FBXO28: variants seen among roughly 807,000 people sequenced by gnomAD.
FBXO28 encodes F-box protein 28.
FBXO28 carries 8 observed loss-of-function variants against 38.1 expected under a neutral mutation model. That is an observed-to-expected ratio of 0.21 (90% CI 0.12 to 0.38). The LOEUF is 0.38. FBXO28 is among the 10% of genes least tolerant of loss of function. The pLI, the probability that FBXO28 is intolerant of heterozygous loss-of-function variation, is 1.00. For missense variants in FBXO28, 345 were observed against 460.6 expected (o/e 0.75, Z 2.30); for synonymous variants, 168 against 173.8 (o/e 0.97, Z 0.26).
chr1:224,144,831 AT>A (rs1657459492), intron 3 of FBXO28, among the ~76,000 whole-genome samples: 1 of 152,048 alleles, frequency 6.6e-6, no homozygotes, highest in African/African-American at 2.4e-5. Context: ...GCTCCTTAAA[AT>A]TTTTGCTTTA....
At position 224,158,106 on chromosome 1, in the gene FBXO28, A is replaced by G; in HGVS notation, c.*360A>G. On this transcript the variant is annotated 3_prime_UTR_variant, in exon 5 of 5. Transcript: ENST00000366862. Reference sequence around the variant, plus strand: ...CTTGACAGACTAGAAGTTAAGTTTAATACAGAAAATGTCCTGTTCACTTGA... The same window carrying G: ...CTTGACAGACTAGAAGTTAAGTTTAGTACAGAAAATGTCCTGTTCACTTGA... 1 of 1,003,616 alleles carries G rather than the reference A, an allele frequency of 1.0e-6. No homozygotes were observed. Among genetic ancestry groups the G allele is most frequent in the Non-Finnish European group, 1.2e-6 (1 of 842,454 alleles). The allele number at this position is 1,003,616 out of a possible 1,614,324, so 62.2% of individuals were successfully genotyped here. A position where few individuals can be genotyped will look rare whatever the true frequency, so the allele number is the denominator to read the frequency against.
At chr1:224,123,090 G>T (rs201155564) in intron 1 of FBXO28, among the ~76,000 whole-genome samples, 1 of 147,034 alleles carries the variant, frequency 6.8e-6, no homozygotes, top group African/African-American at 2.5e-5. Context: ...TAAAAAAAAA[G>T]GATAGGTTCT....
At position 224,160,221 on chromosome 1, in the gene FBXO28, G is replaced by A. The variant is rs1431324895; in HGVS notation, c.*2475G>A. 1 of 152,170 alleles carries A rather than the reference G, an allele frequency of 6.6e-6. No individual in the cohort carries two copies. Among genetic ancestry groups the A allele is most frequent in the Admixed American group, 6.5e-5 (1 of 15,268 alleles). 9.4% of individuals were successfully genotyped at this position (152,170 alleles called of 1,614,324 possible). ...AACAAACCGCAGATTATTATGATCA[G>A]CTAGAACTGACATATGTTACAAGAA... On this transcript the variant is annotated 3_prime_UTR_variant, in exon 5 of 5. Coordinates refer to ENST00000366862, the MANE Select transcript of FBXO28 (RefSeq NM_015176.4).
chr1:224,115,643 A>G (rs1425381134), intron 1 of FBXO28, among the ~76,000 whole-genome samples: 3 of 152,208 alleles, frequency 2.0e-5, no homozygotes, highest in African/African-American at 7.2e-5. Context: ...ATATTTCACA[A>G]TTGATTGCCT....
At position 224,139,921 on chromosome 1, in the gene FBXO28, C is replaced by T. The variant is rs180733332; in HGVS notation, c.516+5709C>T. Among the ~76,000 whole-genome samples, 18 of 151,916 alleles carry T rather than the reference C, an allele frequency of 1.2e-4. No homozygotes were observed. The East Asian group carries it at 1.4e-3, about 11-fold the overall frequency. Reference sequence around the variant, plus strand: ...AACCTGGGCTGCAAAGTAAGACCCCCGTCTCTAAAAAAAAAATTAATTAGC... The same window carrying T: ...AACCTGGGCTGCAAAGTAAGACCCCTGTCTCTAAAAAAAAAATTAATTAGC... On this transcript the variant is annotated intron_variant, in intron 3 of 4. Coordinates refer to ENST00000366862, the MANE Select transcript of FBXO28 (RefSeq NM_015176.4).
intron 2 of FBXO28, among the ~76,000 whole-genome samples, chr1:224,131,944 A>G (rs922828708): frequency 6.6e-6 from 1 of 152,168 alleles, no homozygotes. Context: ...ACTCAACAAT[A>G]AAACCTATTT....
At chr1:224,136,101 G>GTTTTTTTTTT (rs397982996) in intron 3 of FBXO28, among the ~76,000 whole-genome samples, 951 of 75,118 alleles carry the variant, frequency 0.013, 205 homozygotes, top group African/African-American at 0.028. Context: ...GTTGACTTCA[G>GTTTTTTTTTT]TTTTTTTTTT....
At chr1:224,117,903 G>T (rs1257792360) in intron 1 of FBXO28, among the ~76,000 whole-genome samples, 2 of 152,084 alleles carry the variant, frequency 1.3e-5, no homozygotes, top group African/African-American at 4.8e-5. Context: ...CAGCTACTTG[G>T]GAGGCTGAGG....
At chr1:224,147,492 G>A (rs60877434) in intron 3 of FBXO28, among the ~76,000 whole-genome samples, 6,090 of 151,658 alleles carry the variant, frequency 0.04, 371 homozygotes, top group African/African-American at 0.13. Flanking sequence ...TTTTAAAATA[G>A]TACAATGTAA....
chr1:224,139,508 C>T (rs1050005832), intron 3 of FBXO28, among the ~76,000 whole-genome samples: 3 of 151,848 alleles, frequency 2.0e-5, no homozygotes, highest in East Asian at 3.9e-4. Context: ...CTTTGGGAGG[C>T]CAAGGCGGGC....
In FBXO28 at chr1:224,157,661, A is replaced by G. The variant is rs758652737; in HGVS notation, c.1022A>G (p.Asn341Ser). Residue 341 changes from asparagine to serine, a missense_variant, in exon 5 of 5, where the codon AAT becomes AGT. This residue lies in a region of FBXO28 where 151 missense variants were observed against 188.3 expected (regional missense o/e 0.80). Coordinates refer to ENST00000366862, the MANE Select transcript of FBXO28 (RefSeq NM_015176.4). ...AVGNSSGSGQNEESPRKRKKA... is the reference protein window; with the variant it reads ...AVGNSSGSGQSEESPRKRKKA... Reference sequence around the variant, plus strand: ...GGAAATTCCTCAGGGTCCGGGCAGAATGAGGAGTCTCCTCGGAAACGAAAA... The same window carrying G: ...GGAAATTCCTCAGGGTCCGGGCAGAGTGAGGAGTCTCCTCGGAAACGAAAA... 1.2e-6 allele frequency: 2 copies of G among 1,614,260 alleles called. 1 individual carries two copies. Among genetic ancestry groups the G allele is most frequent in the South Asian group, 2.2e-5 (2 of 91,090 alleles).
In FBXO28 at chr1:224,139,735, G is replaced by A. The variant is rs762289116; in HGVS notation, c.516+5523G>A. ...CAGCCTGGTGACAGAGTGAGACTTC[G>A]TCTGAAATAAATACATACATGCATG... On this transcript the variant is annotated intron_variant, in intron 3 of 4. Transcript: ENST00000366862. 1.8e-4 allele frequency among the ~76,000 whole-genome samples: 25 copies of A among 138,472 alleles called. No homozygotes were observed. The South Asian group carries it at 2.0e-3, about 11-fold the overall frequency. 90.8% of individuals were successfully genotyped at this position (138,472 alleles called of 152,430 possible). A position where few individuals can be genotyped will look rare whatever the true frequency, so the allele number is the denominator to read the frequency against.
intron 3 of FBXO28, among the ~76,000 whole-genome samples, chr1:224,148,330 C>T (rs1299246850): frequency 6.6e-6 from 1 of 152,128 alleles, no homozygotes; most frequent in Non-Finnish European, 1.5e-5. Flanking sequence ...GAATAAGTAT[C>T]ATGGAAAAAG....
Position 224,140,666 on chromosome 1 carries a change from C to T in FBXO28, c.516+6454C>T, listed in dbSNP as rs566833139. On this transcript the variant is annotated intron_variant, in intron 3 of 4. Transcript: ENST00000366862. ...TCATATTAAAGAGAATATAGCAGGCCGGGCAGGATTGCTCACACCTGTAAT... is the reference window on the plus strand; with the variant it reads ...TCATATTAAAGAGAATATAGCAGGCTGGGCAGGATTGCTCACACCTGTAAT... 3.5e-4 allele frequency among the ~76,000 whole-genome samples: 53 copies of T among 152,120 alleles called. No homozygotes were observed. In the East Asian group the frequency reaches 3.7e-3, roughly 11 times the overall value.
chr1:224,145,151 C>T (rs895068118), intron 3 of FBXO28, among the ~76,000 whole-genome samples: 10 of 151,370 alleles, frequency 6.6e-5, no homozygotes, highest in East Asian at 1.9e-4. Context: ...TAAAATTAGC[C>T]GGGCGTGATG....
intron 3 of FBXO28, among the ~76,000 whole-genome samples, chr1:224,144,617 G>T (rs1657453293): frequency 6.6e-6 from 1 of 151,468 alleles, no homozygotes; most frequent in Admixed American, 6.6e-5. Context: ...AATTAGCTGG[G>T]CGTGGGTGTG....
chr1:224,120,154 A>G (rs983822794), intron 1 of FBXO28, among the ~76,000 whole-genome samples: 2 of 152,218 alleles, frequency 1.3e-5, no homozygotes, highest in Non-Finnish European at 1.5e-5. Context: ...TATAAATCCA[A>G]TTTCATAATT....
At position 224,157,606 on chromosome 1, in the gene FBXO28, A is replaced by C. The variant is rs775148976; in HGVS notation, c.967A>C (p.Lys323Gln). The change falls in exon 5 of 5, where the codon AAA becomes CAA. Residue 323 changes from lysine to glutamine, a missense_variant. By Grantham distance (53) the Lys-to-Gln change is moderately conservative. Transcript: ENST00000366862. ...TGCACGGTTGGCAGAGCTAGAACGC[A>C]AACTACGAGAAGTAATGGAAAGTGC... ...QNARLAELER[K>Q]LREVMESAVG... 6.2e-7 allele frequency: 1 copy of C among 1,614,270 alleles called. No homozygotes were observed. Among genetic ancestry groups the C allele is most frequent in the Non-Finnish European group, 8.5e-7 (1 of 1,180,046 alleles).
chr1:224,144,337 T>TA (rs1657446108), intron 3 of FBXO28, among the ~76,000 whole-genome samples: 1 of 151,880 alleles, frequency 6.6e-6, no homozygotes, highest in African/African-American at 2.4e-5. Context: ...GGCACACACC[T>TA]ATGGTCACAG....
Sources: gnomAD v4.1 joint callset for allele counts (sites outside exome capture counted in the v4.1 genomes callset) on GRCh38, gnomAD v4.1.1 for gene constraint, gnomAD v4.1.1 regional missense constraint, MANE v1.5 for transcripts, NCBI Gene and HGNC (gene_info 2026-07-23, HGNC 2026-07-21) for gene names.